Variants in PIK3C2G observed in about 807,000 individuals in gnomAD.
PIK3C2G encodes the protein phosphatidylinositol-4-phosphate 3-kinase catalytic subunit type 2 gamma.
A neutral mutation model predicts 181.1 loss-of-function variants in PIK3C2G; 168 were observed. The ratio of observed to expected loss-of-function variants is 0.93; its 90% CI spans 0.82 to 1.05. The LOEUF is 1.05. Ranked by LOEUF, PIK3C2G falls within the 50% of genes least tolerant of loss-of-function variation. PIK3C2G has a pLI of 0.00. For synonymous variants in PIK3C2G, 573 were observed against 592.2 expected (o/e 0.97, Z 0.47); for missense variants, 1,869 against 1,732.8 (o/e 1.08, Z -1.40).
At chr12:18,371,445 C>T (rs1291977836) in intron 13 of PIK3C2G, 134 bp downstream of exon 13, 6 of 698,364 alleles carry the variant, frequency 8.6e-6, no homozygotes, top group East Asian at 3.1e-5. Flanking sequence ...CAATATAAAT[C>T]GTGACTGCTG....
chr12:18,717,863 T>TA, the PIK3C2G span, among the ~76,000 whole-genome samples: 2 of 152,130 alleles, frequency 1.3e-5, no homozygotes, highest in Non-Finnish European at 2.9e-5. Context: ...GCAAAGAAAA[T>TA]ACGCATTCAG....
the PIK3C2G span, chr12:18,701,707 C>A: frequency 6.2e-7 from 1 of 1,611,774 alleles, no homozygotes; most frequent in Non-Finnish European, 8.5e-7. Context: ...TTATCAGAAC[C>A]TTTTCTTTCA....
At chr12:18,491,414 C>G in intron 19 of PIK3C2G, 37 bp from the exon 20 acceptor site, 1 of 1,087,104 alleles carries the variant, frequency 9.2e-7, no homozygotes, top group Non-Finnish European at 1.4e-6. Context: ...AAGTTCTTTA[C>G]ATTTTCTTAA....
chr12:18,451,486 T>C (rs1462045995), intron 18 of PIK3C2G, among the ~76,000 whole-genome samples: 1 of 152,162 alleles, frequency 6.6e-6, no homozygotes, highest in Non-Finnish European at 1.5e-5. Flanking sequence ...GCTCACACAA[T>C]GGGGTTTTCT....
chr12:18,416,574 C>T (rs1945193514), intron 16 of PIK3C2G, among the ~76,000 whole-genome samples: 1 of 152,168 alleles, frequency 6.6e-6, no homozygotes, highest in African/African-American at 2.4e-5. Flanking sequence ...TGCTCATTTA[C>T]TATTTCAAAA....
chr12:18,650,732 A>G (rs555062677), downstream of PIK3C2G, among the ~76,000 whole-genome samples: 7 of 26,614 alleles, frequency 2.6e-4, no homozygotes, highest in African/African-American at 2.1e-3. Context: ...ATATATATAT[A>G]TATATATATA....
chr12:18,286,863 T>C lies in PIK3C2G; in HGVS notation c.695T>C (p.Ile232Thr), dbSNP rs375028414. Residue 232 changes from isoleucine (I) to threonine (T), a missense_variant, in exon 3 of 33, where the codon ATT becomes ACT. By Grantham distance (89) the Ile-to-Thr change is moderately conservative. Transcript: ENST00000538779. ...QKNIESIGCS[I>T]QLVEVPQSSN... is the part of the protein sequence containing the mutation. ...TATTTTAAGTCAATAGGTTGTTCCA[T>C]TCAGCTAGTGGAAGTACCTCAAAGC... 5.9e-4 allele frequency: 911 copies of C among 1,555,970 alleles called. 12 individuals are homozygous for C. In the South Asian group the frequency reaches 8.4e-3, roughly 14 times the overall value.
At chr12:18,626,162 CA>C (rs1397588457) in intron 31 of PIK3C2G, among the ~76,000 whole-genome samples, 1 of 151,370 alleles carries the variant, frequency 6.6e-6, no homozygotes, top group Non-Finnish European at 1.5e-5. Context: ...AGTATGTTTT[CA>C]ATATTTTTAT....
the PIK3C2G span, chr12:18,693,050 G>T: frequency 6.8e-7 from 1 of 1,474,042 alleles, no homozygotes. Flanking sequence ...TAGAAGAAAA[G>T]CAAGAAGGGA....
the PIK3C2G span, among the ~76,000 whole-genome samples, chr12:18,656,639 G>A: frequency 6.6e-6 from 1 of 152,142 alleles, no homozygotes; most frequent in Non-Finnish European, 1.5e-5. Flanking sequence ...GGGAAGCTCA[G>A]GTGGAAGGAT....
intron 16 of PIK3C2G, among the ~76,000 whole-genome samples, chr12:18,417,802 T>C (rs1945265616): frequency 6.6e-6 from 1 of 152,122 alleles, no homozygotes; most frequent in Non-Finnish European, 1.5e-5. Flanking sequence ...TTTTACTTTA[T>C]TGTGGTGGTC....
At chr12:18,699,799 A>G in the PIK3C2G span, 2 of 1,613,352 alleles carry the variant, frequency 1.2e-6, no homozygotes, top group South Asian at 2.2e-5. Flanking sequence ...TTTACCTCGC[A>G]ATTTTGAAAG....
intron 29 of PIK3C2G, among the ~76,000 whole-genome samples, chr12:18,579,202 C>T (rs564986100): frequency 1.4e-4 from 21 of 152,200 alleles, no homozygotes; most frequent in African/African-American, 4.6e-4. Flanking sequence ...ATATATTTTA[C>T]TCTCATTGAG....
At chr12:18,455,915 T>C (rs1947601133) in intron 18 of PIK3C2G, among the ~76,000 whole-genome samples, 1 of 152,110 alleles carries the variant, frequency 6.6e-6, no homozygotes, top group South Asian at 2.1e-4. Flanking sequence ...AAGAAAAAAA[T>C]AGACTGTCTG....
intron 8 of PIK3C2G, among the ~76,000 whole-genome samples, chr12:18,326,136 G>C (rs1197706784): frequency 6.6e-6 from 1 of 152,204 alleles, no homozygotes; most frequent in Non-Finnish European, 1.5e-5. Flanking sequence ...GACTGACTCT[G>C]TGGAGACATC....
chr12:18,329,948 C>T (rs1218948318), intron 8 of PIK3C2G, among the ~76,000 whole-genome samples: 1 of 151,986 alleles, frequency 6.6e-6, no homozygotes, highest in Non-Finnish European at 1.5e-5. Flanking sequence ...TTTGTCTTTA[C>T]CTTTTTTAAA....
chr12:18,653,431 G>A, the PIK3C2G span, among the ~76,000 whole-genome samples: 1 of 152,230 alleles, frequency 6.6e-6, no homozygotes, highest in East Asian at 1.9e-4. Context: ...TGGGCTTCTT[G>A]GCCAAGTCTC....
Position 18,567,041 on chromosome 12 carries a change from C to G in PIK3C2G, c.3995C>G (p.Ser1332Ter). The G allele has an allele frequency of 7.1e-7, 1 of 1,400,268 alleles. No individual in the cohort carries two copies. Among genetic ancestry groups the G allele is most frequent in the Non-Finnish European group, 1.0e-6 (1 of 993,140 alleles). The allele number at this position is 1,400,268 out of a possible 1,614,324, so 86.7% of individuals were successfully genotyped here. A position where few individuals can be genotyped will look rare whatever the true frequency, so the allele number is the denominator to read the frequency against. Residue 1332 changes from serine (S) to a stop codon, truncating the protein, a stop_gained, in exon 29 of 33, where the codon TCA becomes TGA. Transcript: ENST00000538779. LOFTEE classifies it high-confidence loss of function. ...TACATGGAACAGATATTAAATGTAT[C>G]ACATGAAGTTACAAACGTATGTTAT... Reference protein sequence around the residue: ...NHYMEQILNVSHEVTNSDCVL... With the variant: ...NHYMEQILNV
intron 29 of PIK3C2G, among the ~76,000 whole-genome samples, chr12:18,573,505 G>C (rs1946078781): frequency 6.6e-6 from 1 of 152,208 alleles, no homozygotes; most frequent in Admixed American, 6.5e-5. Context: ...ACCCACAACA[G>C]AGAAGCAGTG....
Sources: gnomAD v4.1 joint callset for allele counts (sites outside exome capture counted in the v4.1 genomes callset) on GRCh38, gnomAD v4.1.1 for gene constraint, MANE v1.5 for transcripts, NCBI Gene and HGNC (gene_info 2026-07-23, HGNC 2026-07-21) for gene names.